CTXND1: variants seen among roughly 807,000 people sequenced by gnomAD.
CTXND1 encodes the protein cortexin domain-containing 1 protein.
At chr15:80,232,888 G>A (rs1041314810) in intron 1 of CTXND1, among the ~76,000 whole-genome samples, 13 of 151,374 alleles carry the variant, frequency 8.6e-5, no homozygotes, top group African/African-American at 2.9e-4. Context: ...CCAGGCTCAG[G>A]TTCTGGCTCC....
chr15:80,204,036 G>T (rs927254710), intron 1 of CTXND1, among the ~76,000 whole-genome samples: 6 of 147,330 alleles, frequency 4.1e-5, no homozygotes, highest in Non-Finnish European at 8.9e-5. Flanking sequence ...GGTGGTGCAT[G>T]CCTGTAATCC....
At chr15:80,239,097 G>A (rs1893536314) in intron 1 of CTXND1, among the ~76,000 whole-genome samples, 1 of 152,190 alleles carries the variant, frequency 6.6e-6, no homozygotes, top group South Asian at 2.1e-4. Context: ...CAGTGTCAGA[G>A]CTCTCCTTGA....
At chr15:80,240,984 C>T (rs1000851703) in intron 1 of CTXND1, among the ~76,000 whole-genome samples, 8 of 152,210 alleles carry the variant, frequency 5.3e-5, no homozygotes, top group African/African-American at 9.7e-5. Context: ...ACAAGCTCTA[C>T]TGCAGAGAAA....
rs553287154 is a variant in CTXND1, at chr15:80,221,151, C to T, written c.-217-17411G>A. Among the ~76,000 whole-genome samples the T allele has an allele frequency of 1.2e-3, 190 of 152,050 alleles. 3 individuals are homozygous for T. The highest frequency in any genetic ancestry group is 3.4e-3 in the Middle Eastern group (1 of 294). On this transcript the variant is annotated intron_variant, in intron 1 of 2. Transcript: ENST00000560778. ...GTTTCGATTTGCTGACCTCGTGATCCGCCCGCCTCGGCCTCCCAAAGTGCT... is the reference window on the plus strand; with the variant it reads ...GTTTCGATTTGCTGACCTCGTGATCTGCCCGCCTCGGCCTCCCAAAGTGCT...
At chr15:80,251,788 C>A (rs1404377980) in intron 1 of CTXND1, among the ~76,000 whole-genome samples, 4 of 152,000 alleles carry the variant, frequency 2.6e-5, no homozygotes, top group South Asian at 2.1e-4. Flanking sequence ...CCCCGCCGAC[C>A]GAGGCGCGCC....
chr15:80,239,964 AC>A lies in CTXND1; in HGVS notation c.-218+12042del, dbSNP rs554342718. On this transcript the variant is annotated intron_variant, in intron 1 of 2. Coordinates refer to ENST00000560778, the MANE Select transcript of CTXND1 (RefSeq NM_001352888.2). ...ACTTTTGTTTTCATAATTTTGTATT[AC>A]TTTATTTATTTATTTTTGAGACGGA... 1.9e-4 allele frequency among the ~76,000 whole-genome samples: 29 copies of A among 152,164 alleles called. No homozygotes were observed. The East Asian group carries it at 5.2e-3, about 27-fold the overall frequency.
chr15:80,220,208 G>C (rs180912429), intron 1 of CTXND1, among the ~76,000 whole-genome samples: 130 of 150,610 alleles, frequency 8.6e-4, no homozygotes, highest in African/African-American at 3.1e-3. Flanking sequence ...CTACAACTTT[G>C]TTTTTCACAT....
intron 1 of CTXND1, among the ~76,000 whole-genome samples, chr15:80,223,534 T>C (rs1007695702): frequency 6.6e-6 from 1 of 152,196 alleles, no homozygotes; most frequent in South Asian, 2.1e-4. Flanking sequence ...TCTGTCTTTG[T>C]TTATCTTTTG....
intron 2 of CTXND1, among the ~76,000 whole-genome samples, chr15:80,202,491 C>T (rs7180350): frequency 0.16 from 24,141 of 152,164 alleles, 2,045 homozygotes; most frequent in East Asian, 0.3. Flanking sequence ...CACTCTGTTG[C>T]TCAGGCTGGA....
intron 2 of CTXND1, among the ~76,000 whole-genome samples, chr15:80,202,334 C>T (rs1275902210): frequency 2.0e-5 from 3 of 152,166 alleles, no homozygotes; most frequent in African/African-American, 7.2e-5. Context: ...AGAGGCCCTG[C>T]AGCTGCCTCC....
intron 1 of CTXND1, among the ~76,000 whole-genome samples, chr15:80,219,958 T>G (rs1380073426): frequency 1.3e-5 from 2 of 152,188 alleles, no homozygotes; most frequent in Admixed American, 6.5e-5. Flanking sequence ...CTGTGGCTTG[T>G]TTTTCAAATT....
chr15:80,221,057 C>G (rs1021614890), intron 1 of CTXND1, among the ~76,000 whole-genome samples: 2 of 151,796 alleles, frequency 1.3e-5, no homozygotes, highest in East Asian at 3.9e-4. Context: ...TACAGGCACC[C>G]GCCACCACGC....
intron 1 of CTXND1, among the ~76,000 whole-genome samples, chr15:80,221,993 G>C (rs953265989): frequency 1.8e-4 from 27 of 152,062 alleles, no homozygotes; most frequent in African/African-American, 6.3e-4. Context: ...GTTGCTTTTT[G>C]CATTATATGT....
At chr15:80,210,720 C>T (rs1039851098) in intron 1 of CTXND1, among the ~76,000 whole-genome samples, 16 of 152,150 alleles carry the variant, frequency 1.1e-4, no homozygotes, top group African/African-American at 3.6e-4. Context: ...TTTCTTAGTC[C>T]GCTCAGGCTG....
At chr15:80,233,161 C>G (rs1483053363) in intron 1 of CTXND1, among the ~76,000 whole-genome samples, 1 of 151,910 alleles carries the variant, frequency 6.6e-6, no homozygotes, top group Non-Finnish European at 1.5e-5. Context: ...GGCTGGTCTT[C>G]AACTCCTGAC....
Position 80,201,743 on chromosome 15 carries a change from A to T in CTXND1, c.*27T>A. 1 of 398,728 alleles carries T rather than the reference A, an allele frequency of 2.5e-6. No individual in the cohort carries two copies. Among genetic ancestry groups the T allele is most frequent in the East Asian group, 3.6e-5 (1 of 28,068 alleles). 24.7% of individuals were successfully genotyped at this position (398,728 alleles called of 1,614,324 possible). On this transcript the variant is annotated 3_prime_UTR_variant, in exon 3 of 3. Transcript: ENST00000560778. ...GGGGCACAGCCACCCACAGAGCGCCAGGTCCAGTCCCCACAGCCGCTGTGC... is the reference window on the plus strand; with the variant it reads ...GGGGCACAGCCACCCACAGAGCGCCTGGTCCAGTCCCCACAGCCGCTGTGC...
intron 1 of CTXND1, among the ~76,000 whole-genome samples, chr15:80,229,063 C>T (rs1387048078): frequency 1.3e-5 from 2 of 152,086 alleles, no homozygotes; most frequent in Non-Finnish European, 2.9e-5. Context: ...ACTCCTGGTC[C>T]CAAGCACTTC....
intron 1 of CTXND1, among the ~76,000 whole-genome samples, chr15:80,248,707 G>A (rs986255782): frequency 1.1e-4 from 17 of 152,192 alleles, no homozygotes; most frequent in African/African-American, 3.1e-4. Flanking sequence ...CAGGGTAGCC[G>A]GAGGGAACTG....
chr15:80,223,346 C>T (rs530030019), intron 1 of CTXND1, among the ~76,000 whole-genome samples: 5 of 152,232 alleles, frequency 3.3e-5, no homozygotes, highest in African/African-American at 9.6e-5. Flanking sequence ...CCTGAGCCAC[C>T]GCGCCCGGCC....
Sources: allele counts gnomAD v4.1 joint callset (sites outside exome capture counted in the v4.1 genomes callset), GRCh38; gene constraint gnomAD v4.1.1; transcripts MANE v1.5; gene names NCBI Gene and HGNC (gene_info 2026-07-23, HGNC 2026-07-21).